The following ANTXR2 variants were observed in gnomAD, a reference collection of about 807,000 sequenced individuals.
ANTXR2 encodes the protein anthrax toxin receptor 2.
A neutral mutation model predicts 73.7 loss-of-function variants in ANTXR2; 44 were observed. The ratio of observed to expected loss-of-function variants is 0.60; its 90% CI spans 0.47 to 0.77. The LOEUF (loss-of-function observed/expected upper bound fraction) is 0.77, where lower values mean the gene tolerates loss of function less well. Ranked by LOEUF, ANTXR2 falls within the 30% of genes least tolerant of loss-of-function variation. The pLI is 0.00. For synonymous variants in ANTXR2, 217 were observed against 205.9 expected, an observed-to-expected ratio of 1.05 and a Z score of -0.46; for missense variants, 604 against 592.5, an observed-to-expected ratio of 1.02 and a Z score of -0.20.
chr4:79,993,520 G>A (rs1578138066), intron 12 of ANTXR2, among the ~76,000 whole-genome samples: 1 of 151,690 alleles, frequency 6.6e-6, no homozygotes, highest in Non-Finnish European at 1.5e-5. Context: ...CTCCTCCAAC[G>A]CATACACAAT....
chr4:80,040,516 C>T (rs1200317535), intron 7 of ANTXR2, among the ~76,000 whole-genome samples: 2 of 152,164 alleles, frequency 1.3e-5, no homozygotes, highest in East Asian at 3.9e-4. Context: ...ATTGTAAGGA[C>T]TTTCCCTCTA....
intron 16 of ANTXR2, among the ~76,000 whole-genome samples, chr4:79,935,425 G>T (rs537801382): frequency 6.7e-6 from 1 of 150,360 alleles, no homozygotes; most frequent in South Asian, 2.1e-4. Context: ...ATCACAATAC[G>T]AAAATAAATT....
At chr4:79,991,330 C>A (rs920180928) in intron 12 of ANTXR2, among the ~76,000 whole-genome samples, 1 of 151,882 alleles carries the variant, frequency 6.6e-6, no homozygotes, top group African/African-American at 2.4e-5. Flanking sequence ...ATATACAAGG[C>A]CAACAAGCTT....
intron 16 of ANTXR2, among the ~76,000 whole-genome samples, chr4:79,926,993 G>GTA (rs200615268): frequency 4.8e-4 from 51 of 105,412 alleles, no homozygotes; most frequent in Non-Finnish European, 8.1e-4. Flanking sequence ...GCATATATGT[G>GTA]TATATATACA....
At chr4:79,960,130 C>T (rs529241672) in intron 16 of ANTXR2, among the ~76,000 whole-genome samples, 4 of 152,268 alleles carry the variant, frequency 2.6e-5, no homozygotes, top group Non-Finnish European at 5.9e-5. Context: ...TCTCACCAAT[C>T]TGCACTAGGT....
chr4:79,991,932 G>A (rs1730488898), intron 12 of ANTXR2, among the ~76,000 whole-genome samples: 1 of 151,874 alleles, frequency 6.6e-6, no homozygotes, highest in Admixed American at 6.6e-5. Context: ...AGAAAGATGA[G>A]AACAATAGAC....
chr4:79,956,643 C>T (rs923015135), intron 16 of ANTXR2, among the ~76,000 whole-genome samples: 2 of 152,052 alleles, frequency 1.3e-5, no homozygotes, highest in Non-Finnish European at 2.9e-5. Flanking sequence ...TTAGCTGAAT[C>T]GGAGTTCTGA....
intron 16 of ANTXR2, among the ~76,000 whole-genome samples, chr4:79,975,202 C>T (rs1729577775): frequency 6.6e-6 from 1 of 152,116 alleles, no homozygotes; most frequent in South Asian, 2.1e-4. Flanking sequence ...AGACAGGGCA[C>T]CTATATTTTT....
At chr4:79,984,792 A>G (rs761000773) in intron 13 of ANTXR2, 27 bp downstream of exon 13, 1 of 1,590,292 alleles carries the variant, frequency 6.3e-7, no homozygotes, top group Non-Finnish European at 8.6e-7. Context: ...AAAAACAGCC[A>G]TATCAGTTTT....
At chr4:80,043,787 T>G (rs938759323) in intron 7 of ANTXR2, among the ~76,000 whole-genome samples, 2 of 151,976 alleles carry the variant, frequency 1.3e-5, no homozygotes, top group African/African-American at 4.8e-5. Flanking sequence ...TATAGATGTT[T>G]GGCAGGAGAT....
Position 80,069,503 on chromosome 4 carries a change from C to T in ANTXR2, c.229G>A (p.Glu77Lys). The change falls in exon 3 of 17, where the codon GAA becomes AAA. Residue 77 changes from glutamate to lysine, a missense_variant. Coordinates refer to ENST00000403729, the MANE Select transcript of ANTXR2 (RefSeq NM_058172.6). ...AACACAATGAAAGATAATCTCATTT[C>T]AGGGCTGCAAAATAAGAAAAGAGGC... ...QQLAERFVSPEMRLSFIVFSS... is the reference protein window; with the variant it reads ...QQLAERFVSPKMRLSFIVFSS... 1 of 1,597,964 alleles carries T rather than the reference C, an allele frequency of 6.3e-7. No individual in the cohort carries two copies. The highest frequency in any genetic ancestry group is 1.3e-5 in the African/African-American group (1 of 74,664).
chr4:79,983,728 G>GA (rs370872027), intron 14 of ANTXR2, 150 bp downstream of exon 14: 949 of 663,716 alleles, frequency 1.4e-3, no homozygotes, highest in Non-Finnish European at 1.6e-3. Context: ...TGATTCCATA[G>GA]AAAAAAAAAT....
At chr4:79,943,847 C>T (rs1728413031) in intron 16 of ANTXR2, among the ~76,000 whole-genome samples, 1 of 151,804 alleles carries the variant, frequency 6.6e-6, no homozygotes, top group Non-Finnish European at 1.5e-5. Flanking sequence ...AGTTTTTAAT[C>T]ATAAATGACT....
chr4:80,050,904 A>T (rs551402708), intron 7 of ANTXR2, among the ~76,000 whole-genome samples: 14 of 151,736 alleles, frequency 9.2e-5, no homozygotes, highest in Middle Eastern at 3.2e-3. Flanking sequence ...TTATTTATGA[A>T]ATATGAGCGC....
chr4:79,926,826 T>C (rs921601093), intron 16 of ANTXR2, among the ~76,000 whole-genome samples: 2 of 151,824 alleles, frequency 1.3e-5, no homozygotes, highest in Admixed American at 6.6e-5. Context: ...GGAAACAATG[T>C]AAGTATCCAT....
chr4:80,005,432 T>A (rs1731256833), intron 12 of ANTXR2, among the ~76,000 whole-genome samples: 2 of 152,108 alleles, frequency 1.3e-5, no homozygotes, highest in South Asian at 4.1e-4. Flanking sequence ...GTCATATTGA[T>A]CTCCAATAAT....
chr4:80,062,322 C>T (rs1001146090), intron 3 of ANTXR2, among the ~76,000 whole-genome samples: 2 of 152,176 alleles, frequency 1.3e-5, no homozygotes, highest in African/African-American at 4.8e-5. Flanking sequence ...AGGCCTGCTG[C>T]GTTTTGCATA....
intron 12 of ANTXR2, among the ~76,000 whole-genome samples, chr4:80,007,799 G>T (rs1028522178): frequency 1.7e-4 from 26 of 152,156 alleles, no homozygotes; most frequent in Non-Finnish European, 2.6e-4. Flanking sequence ...AGAGCATTCA[G>T]AAAGAAACAC....
At chr4:79,932,244 T>C (rs1728087649) in intron 16 of ANTXR2, among the ~76,000 whole-genome samples, 1 of 152,128 alleles carries the variant, frequency 6.6e-6, no homozygotes, top group Non-Finnish European at 1.5e-5. Flanking sequence ...CTAATATACA[T>C]TTGAATTTAT....
Sources: allele counts gnomAD v4.1 joint callset (sites outside exome capture counted in the v4.1 genomes callset), GRCh38; gene constraint gnomAD v4.1.1; transcripts MANE v1.5; gene names NCBI Gene and HGNC (gene_info 2026-07-23, HGNC 2026-07-21).